The following RGS6 variants were observed in gnomAD, a reference collection of about 807,000 sequenced individuals.
The protein encoded by RGS6 is regulator of G protein signaling 6, also known as regulator of G-protein signaling 6.
In RGS6, 30 loss-of-function variants were observed where a neutral mutation model predicts 78.5. That is an observed-to-expected ratio of 0.38 (90% CI 0.29 to 0.52). The LOEUF is 0.52. RGS6 is among the 20% of genes least tolerant of loss of function. The pLI is 0.85. For synonymous variants in RGS6, 206 were observed against 206.0 expected (o/e 1.00, Z 0.00); for missense variants, 495 against 609.7 (o/e 0.81, Z 1.98).
At chr14:72,231,236 A>G (rs954366089) in intron 2 of RGS6, among the ~76,000 whole-genome samples, 1 of 152,226 alleles carries the variant, frequency 6.6e-6, no homozygotes, top group South Asian at 2.1e-4. Flanking sequence ...TAATGCATGA[A>G]TAATACTTAT....
chr14:71,932,021 G>T (rs898311319), upstream of RGS6, among the ~76,000 whole-genome samples: 4 of 152,226 alleles, frequency 2.6e-5, no homozygotes, highest in East Asian at 1.9e-4. Context: ...TTCAGAAGCC[G>T]CCGGGCACCT....
chr14:72,392,632 C>G (rs1356808998), intron 3 of RGS6, among the ~76,000 whole-genome samples: 2 of 152,226 alleles, frequency 1.3e-5, no homozygotes, highest in African/African-American at 4.8e-5. Flanking sequence ...GCTTCCCTGC[C>G]TCCTCTGAAT....
At chr14:71,979,493 C>T (rs2094333086) in intron 2 of RGS6, among the ~76,000 whole-genome samples, 2 of 152,016 alleles carry the variant, frequency 1.3e-5, no homozygotes. Flanking sequence ...GAAAGAACAT[C>T]TTTATTTCTG....
intron 2 of RGS6, among the ~76,000 whole-genome samples, chr14:71,971,592 C>T (rs987442474): frequency 6.6e-6 from 1 of 152,180 alleles, no homozygotes; most frequent in Admixed American, 6.5e-5. Context: ...TATCTCAAAA[C>T]TCAATGGCTT....
intron 13 of RGS6, among the ~76,000 whole-genome samples, chr14:72,503,588 G>C (rs1008742855): frequency 2.1e-5 from 3 of 145,238 alleles, no homozygotes; most frequent in Non-Finnish European, 3.0e-5. Context: ...GAGAGAGAGA[G>C]AGAGAAATAG....
At chr14:72,479,406 A>G (rs750658766) in intron 12 of RGS6, among the ~76,000 whole-genome samples, 15 of 152,142 alleles carry the variant, frequency 9.9e-5, no homozygotes, top group Non-Finnish European at 1.9e-4. Context: ...TTAATGTCCT[A>G]TGAATTATAG....
chr14:72,496,282 G>A (rs901237611), intron 13 of RGS6, among the ~76,000 whole-genome samples: 27 of 152,162 alleles, frequency 1.8e-4, no homozygotes, highest in African/African-American at 6.0e-4. Context: ...AGTTACCACT[G>A]GATAGTCCAA....
At chr14:72,124,815 T>G (rs1243503992) in intron 2 of RGS6, among the ~76,000 whole-genome samples, 1 of 152,180 alleles carries the variant, frequency 6.6e-6, no homozygotes, top group Non-Finnish European at 1.5e-5. Context: ...ACAACAGTGT[T>G]GGAAATTAAG....
At chr14:72,353,416 G>A (rs768192645) in intron 3 of RGS6, among the ~76,000 whole-genome samples, 22 of 152,306 alleles carry the variant, frequency 1.4e-4, no homozygotes, top group African/African-American at 2.9e-4. Context: ...GATACTGGTA[G>A]CAACTTGGAT....
chr14:72,214,502 G>C (rs530833281), intron 2 of RGS6, among the ~76,000 whole-genome samples: 8 of 152,154 alleles, frequency 5.3e-5, no homozygotes, highest in African/African-American at 1.9e-4. Context: ...TTTCCAAAAC[G>C]TGATTGAGCT....
At chr14:72,479,176 GCCTTTCTCTGCTGGCT>G (rs1191346055) in intron 12 of RGS6, among the ~76,000 whole-genome samples, 6 of 152,110 alleles carry the variant, frequency 3.9e-5, no homozygotes, top group Admixed American at 2.0e-4. Context: ...AAGCCTGTAA[GCCTTTCTCTGCTGGCT>G]CCTGGGTTGA....
intron 1 of RGS6, among the ~76,000 whole-genome samples, chr14:71,948,757 T>TTTTC (rs2091931463): frequency 7.0e-6 from 1 of 143,574 alleles, no homozygotes; most frequent in African/African-American, 2.6e-5. Context: ...TTTTTTTTTT[T>TTTTC]TTTTTTTTTA....
chr14:72,058,171 C>G (rs936762578), intron 2 of RGS6, among the ~76,000 whole-genome samples: 1 of 152,032 alleles, frequency 6.6e-6, no homozygotes, highest in African/African-American at 2.4e-5. Flanking sequence ...TCCAGCTTCC[C>G]CAGATGTGCT....
At chr14:72,464,073 A>G (rs2095845081) in intron 6 of RGS6, among the ~76,000 whole-genome samples, 1 of 152,218 alleles carries the variant, frequency 6.6e-6, no homozygotes, top group African/African-American at 2.4e-5. Flanking sequence ...ACTCAAAATA[A>G]ACTACCCTGT....
chr14:72,302,937 A>G (rs2066423704), intron 2 of RGS6, among the ~76,000 whole-genome samples: 1 of 152,178 alleles, frequency 6.6e-6, no homozygotes, highest in Non-Finnish European at 1.5e-5. Flanking sequence ...ATGGTTTTAG[A>G]AAGGGCTGTT....
chr14:72,473,448 GA>G lies in RGS6; in HGVS notation c.618+505del, dbSNP rs566446325. 1.3e-4 allele frequency among the ~76,000 whole-genome samples: 19 copies of G among 150,054 alleles called. 1 individual carries two copies. The highest frequency in any genetic ancestry group is 4.2e-4 in the South Asian group (2 of 4,718). ...AACAGAGCGAGACTCCATCTCTGGG[GA>G]AAAAAAAAATTATTCATTCCTGAAA... is the stretch of plus-strand genomic sequence containing the variant. On this transcript the variant is annotated intron_variant, in intron 9 of 17. Transcript: ENST00000553525.
intron 1 of RGS6, among the ~76,000 whole-genome samples, chr14:71,934,652 A>G (rs1324797021): frequency 1.3e-5 from 2 of 152,210 alleles, no homozygotes; most frequent in East Asian, 3.8e-4. Context: ...GCAGAATAAG[A>G]TCTGCAACAT....
intron 2 of RGS6, among the ~76,000 whole-genome samples, chr14:71,976,150 G>C (rs1032073247): frequency 3.3e-5 from 5 of 150,068 alleles, no homozygotes; most frequent in African/African-American, 1.2e-4. Flanking sequence ...TTGTTTCAAA[G>C]TCCATATCTG....
chr14:72,228,200 G>A (rs1413444223), intron 2 of RGS6, among the ~76,000 whole-genome samples: 1 of 152,054 alleles, frequency 6.6e-6, no homozygotes, highest in African/African-American at 2.4e-5. Flanking sequence ...CCAACATGGT[G>A]AAACCCCGTA....
Sources: allele counts gnomAD v4.1 joint callset (sites outside exome capture counted in the v4.1 genomes callset), GRCh38; gene constraint gnomAD v4.1.1; transcripts MANE v1.5; gene names NCBI Gene and HGNC (gene_info 2026-07-23, HGNC 2026-07-21).